The following KLHL29 variants were observed in gnomAD, a reference collection of about 807,000 sequenced individuals.
KLHL29 encodes the protein kelch like family member 29.
Under a neutral mutation model 80.4 loss-of-function variants are expected in KLHL29, and 21 were observed. That is an observed-to-expected ratio of 0.26 (90% CI 0.19 to 0.38). The LOEUF is 0.38. KLHL29 is among the 10% of genes least tolerant of loss of function. KLHL29 has a pLI of 1.00. For synonymous variants in KLHL29, 511 were observed against 526.8 expected (o/e 0.97, Z 0.41); for missense variants, 867 against 1,223.9 (o/e 0.71, Z 4.35).
At chr2:23,566,120 C>T (rs931633377) in intron 3 of KLHL29, among the ~76,000 whole-genome samples, 1 of 152,220 alleles carries the variant, frequency 6.6e-6, no homozygotes, top group Non-Finnish European at 1.5e-5. Context: ...GGTTTTTCTA[C>T]TTCTTCATTT....
chr2:23,706,444 T>C, intron 13 of KLHL29, 37 bp from the exon 14 acceptor site: 1 of 1,396,782 alleles, frequency 7.2e-7, no homozygotes, highest in Non-Finnish European at 9.3e-7. Flanking sequence ...AAGTTGGAAG[T>C]GAAATGCCTA....
Position 23,707,104 on chromosome 2 carries a change from T to A in KLHL29, c.*440T>A, listed in dbSNP as rs1672775823. 8.5e-6 allele frequency: 1 copy of A among 117,224 alleles called. No homozygotes were observed. The highest frequency in any genetic ancestry group is 1.9e-5 in the Non-Finnish European group (1 of 52,618). The allele number at this position is 117,224 out of a possible 1,614,324, so 7.3% of individuals were successfully genotyped here. A position where few individuals can be genotyped will look rare whatever the true frequency, so the allele number is the denominator to read the frequency against. On this transcript the variant is annotated 3_prime_UTR_variant, in exon 14 of 14. Coordinates refer to ENST00000486442, the MANE Select transcript of KLHL29 (RefSeq NM_052920.2). ...TCCTTATCACTTTGATTCCTACTTT[T>A]GTTTTTTAACCGATCTACACTTTCA...
intron 5 of KLHL29, among the ~76,000 whole-genome samples, chr2:23,658,104 A>C (rs1572472484): frequency 6.8e-6 from 1 of 148,092 alleles, no homozygotes; most frequent in African/African-American, 2.5e-5. Flanking sequence ...TCTCCTGCCC[A>C]CTCCTCCTCC....
rs367885534 is a variant in KLHL29, at chr2:23,563,651, G to T, written c.285+1170G>T. Reference sequence around the variant, plus strand: ...GAAAGCCGCGCTCCAGGTGTGCTGCGCCTTTGTCTCCTGGTTTTCAAAACT... The same window carrying T: ...GAAAGCCGCGCTCCAGGTGTGCTGCTCCTTTGTCTCCTGGTTTTCAAAACT... On this transcript the variant is annotated intron_variant, in intron 3 of 13. Coordinates refer to ENST00000486442, the MANE Select transcript of KLHL29 (RefSeq NM_052920.2). Among the ~76,000 whole-genome samples, 13 of 152,288 alleles carry T rather than the reference G, an allele frequency of 8.5e-5. No individual in the cohort carries two copies. The South Asian group carries it at 2.7e-3, about 32-fold the overall frequency.
At chr2:23,443,919 T>C (rs1276372602) in intron 1 of KLHL29, among the ~76,000 whole-genome samples, 1 of 152,238 alleles carries the variant, frequency 6.6e-6, no homozygotes, top group Non-Finnish European at 1.5e-5. Context: ...TAATGGCTTT[T>C]GCATCCCTTG....
At chr2:23,609,023 C>T (rs150422079) in intron 3 of KLHL29, among the ~76,000 whole-genome samples, 3,748 of 152,320 alleles carry the variant, frequency 0.025, 60 homozygotes, top group Non-Finnish European at 0.039. Flanking sequence ...AGAAGATTCT[C>T]CACTGAGAGT....
At chr2:23,500,988 T>C (rs1665420606) in intron 2 of KLHL29, among the ~76,000 whole-genome samples, 1 of 152,164 alleles carries the variant, frequency 6.6e-6, no homozygotes, top group Non-Finnish European at 1.5e-5. Flanking sequence ...TCTCCCGGCC[T>C]GTGTGTGCTG....
chr2:23,694,620 C>G (rs1671833717), intron 8 of KLHL29, among the ~76,000 whole-genome samples: 1 of 152,354 alleles, frequency 6.6e-6, no homozygotes, highest in South Asian at 2.1e-4. Flanking sequence ...TTCTCCCTGT[C>G]TCCCTAAACG....
chr2:23,559,535 A>T (rs1667391395), intron 2 of KLHL29, among the ~76,000 whole-genome samples: 1 of 152,110 alleles, frequency 6.6e-6, no homozygotes, highest in South Asian at 2.1e-4. Flanking sequence ...TTTGACAGCA[A>T]CTGAGGCAGA....
intron 1 of KLHL29, among the ~76,000 whole-genome samples, chr2:23,393,299 A>G (rs1666367342): frequency 6.6e-6 from 1 of 152,184 alleles, no homozygotes; most frequent in Non-Finnish European, 1.5e-5. Context: ...TTTTGATGCT[A>G]TATTTGGGCA....
chr2:23,592,422 T>A (rs1668291074), intron 3 of KLHL29, among the ~76,000 whole-genome samples: 1 of 152,200 alleles, frequency 6.6e-6, no homozygotes, highest in South Asian at 2.1e-4. Flanking sequence ...ATTTGTGTCC[T>A]GGGGCAGCTG....
chr2:23,664,504 C>G (rs956304538), intron 5 of KLHL29, among the ~76,000 whole-genome samples: 1 of 152,218 alleles, frequency 6.6e-6, no homozygotes, highest in Non-Finnish European at 1.5e-5. Flanking sequence ...GGTCTCAACT[C>G]TAGATCCTGG....
At chr2:23,567,745 A>G (rs1364799374) in intron 3 of KLHL29, among the ~76,000 whole-genome samples, 6 of 152,226 alleles carry the variant, frequency 3.9e-5, no homozygotes, top group Non-Finnish European at 8.8e-5. Flanking sequence ...TTGTATTCAC[A>G]TTGAAAATCG....
chr2:23,552,986 C>G (rs942664260), intron 2 of KLHL29, among the ~76,000 whole-genome samples: 12 of 152,108 alleles, frequency 7.9e-5, no homozygotes, highest in African/African-American at 2.9e-4. Context: ...TCTCGAACTC[C>G]TGACCTCAAG....
chr2:23,615,218 A>G (rs541558439), intron 3 of KLHL29, among the ~76,000 whole-genome samples: 1 of 152,144 alleles, frequency 6.6e-6, no homozygotes, highest in Admixed American at 6.5e-5. Flanking sequence ...AGGCTTTGTT[A>G]TTAGCATTTT....
chr2:23,643,518 G>A (rs916781717), intron 5 of KLHL29: 1 of 169,826 alleles, frequency 5.9e-6, no homozygotes, highest in Non-Finnish European at 1.3e-5. Flanking sequence ...GAACTCGAAG[G>A]TAGATCCTTC....
At chr2:23,641,829 CA>C (rs1669778245) in intron 4 of KLHL29, among the ~76,000 whole-genome samples, 1 of 152,104 alleles carries the variant, frequency 6.6e-6, no homozygotes, top group East Asian at 1.9e-4. Flanking sequence ...ACTAAAAATA[CA>C]AAAATTAACC....
At chr2:23,528,003 C>T (rs968841674) in intron 2 of KLHL29, among the ~76,000 whole-genome samples, 5 of 152,190 alleles carry the variant, frequency 3.3e-5, no homozygotes, top group African/African-American at 1.2e-4. Context: ...TTAATGGCGG[C>T]TGTGAATACA....
rs564185452 is a variant in KLHL29, at chr2:23,454,585, A to C, written c.-153-20975A>C. ...GTTTTATTTTTACAAGATGAAGATT[A>C]TACATTTTAAAGCAGTTATTTCGTC... On this transcript the variant is annotated intron_variant, in intron 1 of 13. Transcript: ENST00000486442. 1.1e-3 allele frequency among the ~76,000 whole-genome samples: 165 copies of C among 152,316 alleles called. 1 individual carries two copies. The highest frequency in any genetic ancestry group is 0.01 in the Middle Eastern group (3 of 294).
Sources: gnomAD v4.1 joint callset for allele counts (sites outside exome capture counted in the v4.1 genomes callset) on GRCh38, gnomAD v4.1.1 for gene constraint, MANE v1.5 for transcripts, NCBI Gene and HGNC (gene_info 2026-07-23, HGNC 2026-07-21) for gene names.